Variants in TENM1 observed in about 807,000 individuals in gnomAD.
TENM1 encodes teneurin-1.
Under a neutral mutation model 174.8 loss-of-function variants are expected in TENM1, and 35 were observed. That is an observed-to-expected ratio of 0.20 (90% CI 0.15 to 0.27). The LOEUF is 0.27. TENM1 is among the 10% of genes least tolerant of loss of function. The pLI, the probability that TENM1 is intolerant of heterozygous loss-of-function variation, is 1.00. For synonymous variants in TENM1, 781 were observed against 798.7 expected (o/e 0.98, Z 0.37); for missense variants, 1,633 against 2,130.1 (o/e 0.77, Z 4.59).
the TENM1 span, among the ~76,000 whole-genome samples, chrX:125,059,049 T>C: frequency 7.3e-5 from 8 of 109,839 alleles, no homozygotes; most frequent in African/African-American, 2.7e-4. Context: ...TCTCCTTTCC[T>C]GCTCTCTTCT....
At chrX:124,742,655 C>CA (rs1301020321) in intron 3 of TENM1, among the ~76,000 whole-genome samples, 6 of 110,798 alleles carry the variant, frequency 5.4e-5, no homozygotes, top group African/African-American at 2.0e-4. Flanking sequence ...AGTATATGTA[C>CA]AGCAGCACCT....
intron 11 of TENM1, among the ~76,000 whole-genome samples, chrX:124,588,141 C>T (rs1163914766): frequency 2.7e-5 from 3 of 111,107 alleles, no homozygotes; most frequent in Admixed American, 9.5e-5. Context: ...GCGATTTCCT[C>T]GGGGATCTAG....
chrX:124,615,559 T>C (rs73558349), intron 11 of TENM1, among the ~76,000 whole-genome samples: 15,352 of 111,875 alleles, frequency 0.14, 1,685 homozygotes, highest in African/African-American at 0.38. Flanking sequence ...TATTTTTAGA[T>C]GAAACATCTT....
chrX:124,417,417 G>C (rs1683970677), intron 25 of TENM1, among the ~76,000 whole-genome samples: 1 of 110,561 alleles, frequency 9.0e-6, no homozygotes, highest in African/African-American at 3.3e-5. Context: ...TCATCATGTT[G>C]GCCAGGTTAG....
chrX:124,894,386 G>A (rs1603265364), intron 2 of TENM1, 34 bp from the exon 6 acceptor site: 4 of 1,081,074 alleles, frequency 3.7e-6, no homozygotes, highest in Non-Finnish European at 3.8e-6. Context: ...GTTAAGCCTT[G>A]TCCAAGTCAT....
At chrX:124,388,239 C>T (rs1370891036) in intron 28 of TENM1, among the ~76,000 whole-genome samples, 6 of 111,211 alleles carry the variant, frequency 5.4e-5, no homozygotes, top group Non-Finnish European at 1.1e-4. Flanking sequence ...CTTTTCCAGT[C>T]ACTGTACCAG....
At chrX:124,911,240 A>G (rs1274952664) in intron 1 of TENM1, among the ~76,000 whole-genome samples, 1 of 111,109 alleles carries the variant, frequency 9.0e-6, no homozygotes, top group Non-Finnish European at 1.9e-5. Flanking sequence ...GAGCACTTCA[A>G]CCCTTAGTTT....
Position 124,585,930 on chromosome X carries a change from A to G in TENM1, c.2078-20370T>C, listed in dbSNP as rs904022704. On this transcript the variant is annotated intron_variant, in intron 11 of 31. Coordinates refer to ENST00000422452, the Ensembl canonical transcript of TENM1. ...ATACCTCTACACAAATAAACTAGAA[A>G]ATCTAGAAGAGATGGATAAATTCCT... Among the ~76,000 whole-genome samples, 3 of 110,961 alleles carry G rather than the reference A, an allele frequency of 2.7e-5. No individual in the cohort carries two copies. The Admixed American group carries it at 2.9e-4, about 11-fold the overall frequency.
the TENM1 span, among the ~76,000 whole-genome samples, chrX:125,026,434 G>A: frequency 9.0e-6 from 1 of 111,604 alleles, no homozygotes; most frequent in Non-Finnish European, 1.9e-5. Context: ...CCACTCACCA[G>A]CTCAGACAAT....
At chrX:124,471,324 AATATATAGTACTATATATAATATATAT>A in intron 22 of TENM1, among the ~76,000 whole-genome samples, 1 of 24,865 alleles carries the variant, frequency 4.0e-5, no homozygotes, top group Non-Finnish European at 6.7e-5. Flanking sequence ...TATATATTAT[AATATATAGTACTATATATAATATATAT>A]TATAATATAT....
chrX:124,409,899 G>A (rs1355790402), intron 25 of TENM1, among the ~76,000 whole-genome samples: 5 of 110,413 alleles, frequency 4.5e-5, no homozygotes, highest in Admixed American at 1.9e-4. Flanking sequence ...AACATTCCAC[G>A]CTCATGGGTA....
intron 22 of TENM1, among the ~76,000 whole-genome samples, chrX:124,468,037 A>G (rs755662671): frequency 9.1e-6 from 1 of 110,464 alleles, no homozygotes; most frequent in Non-Finnish European, 1.9e-5. Flanking sequence ...GATATTTCTA[A>G]ACCCTACTTC....
At chrX:124,674,303 C>CAAAAAAAAAAA (rs745969451) in intron 5 of TENM1, among the ~76,000 whole-genome samples, 1 of 16,624 alleles carries the variant, frequency 6.0e-5, no homozygotes, top group Non-Finnish European at 1.2e-4. Flanking sequence ...TATCAAAAGG[C>CAAAAAAAAAAA]AAAAAAAAAA....
chrX:125,089,638 C>G, the TENM1 span, among the ~76,000 whole-genome samples: 110 of 111,403 alleles, frequency 9.9e-4, no homozygotes, highest in Middle Eastern at 9.3e-3. Context: ...CTATTTAGAG[C>G]CTTTTGAGAC....
At chrX:124,548,126 G>A (rs2048475835) in intron 14 of TENM1, among the ~76,000 whole-genome samples, 2 of 112,198 alleles carry the variant, frequency 1.8e-5, no homozygotes, top group African/African-American at 3.2e-5. Context: ...GTGAGCAACC[G>A]CACCCAGCCG....
intron 3 of TENM1, among the ~76,000 whole-genome samples, chrX:124,742,981 A>G (rs763585551): frequency 2.7e-5 from 3 of 111,397 alleles, no homozygotes; most frequent in Admixed American, 9.6e-5. Context: ...GAAAGAGAAG[A>G]TATTTTCTTA....
At chrX:125,015,381 C>T in the TENM1 span, among the ~76,000 whole-genome samples, 1 of 111,430 alleles carries the variant, frequency 9.0e-6, no homozygotes, top group Non-Finnish European at 1.9e-5. Context: ...GTCACAGAAG[C>T]AGATATATAT....
intron 4 of TENM1, among the ~76,000 whole-genome samples, chrX:124,709,718 G>GT: frequency 9.0e-6 from 1 of 110,927 alleles, no homozygotes; most frequent in African/African-American, 3.3e-5. Flanking sequence ...GTCTTCACCA[G>GT]ATTAGCATCA....
At chrX:124,961,982 A>G (rs143937185) in intron 1 of TENM1, among the ~76,000 whole-genome samples, 160 of 111,794 alleles carry the variant, frequency 1.4e-3, no homozygotes, top group African/African-American at 5.0e-3. Context: ...TGTAGAGATT[A>G]ACTCTGCTGG....
Sources: gnomAD v4.1 joint callset for allele counts (sites outside exome capture counted in the v4.1 genomes callset) on GRCh38, gnomAD v4.1.1 for gene constraint, MANE v1.5 for transcripts, NCBI Gene and HGNC (gene_info 2026-07-23, HGNC 2026-07-21) for gene names.